Variants in GRAMD1B observed in about 807,000 individuals in gnomAD.
GRAMD1B encodes the protein protein Aster-B.
GRAMD1B carries 37 observed loss-of-function variants against 99.7 expected under a neutral mutation model. The ratio of observed to expected loss-of-function variants is 0.37; its 90% CI spans 0.29 to 0.49. The LOEUF is 0.49. Among genes scored for constraint, GRAMD1B ranks in the 20% least tolerant of loss-of-function variants. The pLI is 0.98. For synonymous variants in GRAMD1B, 427 were observed against 387.6 expected (o/e 1.10, Z -1.19); for missense variants, 888 against 1,009.2 (o/e 0.88, Z 1.63).
chr11:123,528,162 T>G (rs1219412831), intron 2 of GRAMD1B, among the ~76,000 whole-genome samples: 1 of 152,068 alleles, frequency 6.6e-6, no homozygotes, highest in Non-Finnish European at 1.5e-5. Flanking sequence ...CTCCCTACTC[T>G]CTGGTACTCA....
intron 2 of GRAMD1B, among the ~76,000 whole-genome samples, chr11:123,511,214 G>C (rs1284528729): frequency 6.6e-6 from 1 of 152,150 alleles, no homozygotes; most frequent in African/African-American, 2.4e-5. Context: ...TGGGGTTGGT[G>C]CGGGCTGGAC....
intron 1 of GRAMD1B, among the ~76,000 whole-genome samples, chr11:123,409,918 C>T (rs553977524): frequency 3.3e-5 from 5 of 152,282 alleles, no homozygotes; most frequent in African/African-American, 1.2e-4. Flanking sequence ...TAGTGGCGAA[C>T]AATAGTTCCG....
chr11:123,541,796 GT>G (rs1383334544), intron 2 of GRAMD1B, among the ~76,000 whole-genome samples: 1 of 152,122 alleles, frequency 6.6e-6, no homozygotes, highest in Non-Finnish European at 1.5e-5. Flanking sequence ...TCCTCCTGAA[GT>G]TTAAGAGTAT....
At chr11:123,488,412 C>T (rs1177173583) in intron 2 of GRAMD1B, among the ~76,000 whole-genome samples, 1 of 152,156 alleles carries the variant, frequency 6.6e-6, no homozygotes, top group African/African-American at 2.4e-5. Flanking sequence ...GGCATTTGGG[C>T]ATGGTATAAT....
chr11:123,487,719 C>G (rs1192935241), intron 2 of GRAMD1B, among the ~76,000 whole-genome samples: 2 of 152,212 alleles, frequency 1.3e-5, no homozygotes, highest in East Asian at 3.8e-4. Flanking sequence ...AGTGTCTTGT[C>G]TCAGCCTCCT....
At chr11:123,559,956 G>C (rs1946532109) in intron 2 of GRAMD1B, among the ~76,000 whole-genome samples, 1 of 152,178 alleles carries the variant, frequency 6.6e-6, no homozygotes, top group Non-Finnish European at 1.5e-5. Flanking sequence ...CCTTGATACA[G>C]GTCGACCTAG....
intron 12 of GRAMD1B, among the ~76,000 whole-genome samples, chr11:123,609,134 A>G (rs974051586): frequency 4.6e-5 from 7 of 151,572 alleles, no homozygotes; most frequent in African/African-American, 1.5e-4. Context: ...GGCAGCACCC[A>G]CTCTATGCCA....
At chr11:123,382,350 C>A (rs1591391376) in intron 1 of GRAMD1B, among the ~76,000 whole-genome samples, 2 of 152,130 alleles carry the variant, frequency 1.3e-5, no homozygotes, top group African/African-American at 4.8e-5. Context: ...ACTTCTGTAC[C>A]TAGGCCAGTC....
rs200711609 is a variant in GRAMD1B, at chr11:123,614,771, G to A, written c.2254G>A (p.Glu752Lys). The A allele has an allele frequency of 1.7e-4, 273 of 1,612,194 alleles. No individual in the cohort carries two copies. The highest frequency in any genetic ancestry group is 2.2e-4 in the Non-Finnish European group (264 of 1,178,466). ...TTCCACACAGACGCGGCATATCCCG[G>A]AGGACACCCCCAACGGTTTCCACCT... Reference protein sequence around the residue: ...AGSTQTRHIPEDTPNGFHLQS... With the variant: ...AGSTQTRHIPKDTPNGFHLQS... The change falls in exon 17 of 20, where the codon GAG becomes AAG. Residue 752 changes from glutamate to lysine, a missense_variant. Coordinates refer to ENST00000635736, the MANE Select transcript of GRAMD1B (RefSeq NM_001387025.1).
chr11:123,394,771 G>C (rs1222398572), intron 1 of GRAMD1B, among the ~76,000 whole-genome samples: 1 of 152,208 alleles, frequency 6.6e-6, no homozygotes, highest in Non-Finnish European at 1.5e-5. Context: ...CAGTTCTAGA[G>C]GCTGGGGAGT....
At chr11:123,488,681 C>T (rs1938171506) in intron 2 of GRAMD1B, among the ~76,000 whole-genome samples, 2 of 140,200 alleles carry the variant, frequency 1.4e-5, no homozygotes, top group Non-Finnish European at 3.3e-5. Flanking sequence ...TCCTCCTCCC[C>T]CGTTGCCACC....
intron 1 of GRAMD1B, among the ~76,000 whole-genome samples, chr11:123,431,792 A>G (rs1234501653): frequency 2.0e-5 from 3 of 152,122 alleles, no homozygotes; most frequent in Non-Finnish European, 4.4e-5. Context: ...TGTACCAGCT[A>G]GTTTTTTGCC....
In GRAMD1B at chr11:123,605,442, A is replaced by G. The variant is rs772561618; in HGVS notation, c.1287A>G (p.Thr429=). 18 of 1,613,112 alleles carry G rather than the reference A, an allele frequency of 1.1e-5. No homozygotes were observed. The highest frequency in any genetic ancestry group is 1.3e-5 in the Non-Finnish European group (15 of 1,179,478). ...CCAAGAAATCCATCACCAACAGCACACTAACATCCACAGGGAGCAGTGAGG... is the reference window on the plus strand; with the variant it reads ...CCAAGAAATCCATCACCAACAGCACGCTAACATCCACAGGGAGCAGTGAGG... The part of the protein sequence containing the change: ...QLPKKSITNS[T]LTSTGSSEAP... The change falls in exon 10 of 20, where the codon ACA becomes ACG. Residue 429 remains threonine (T), a synonymous_variant. Transcript: ENST00000635736.
intron 1 of GRAMD1B, chr11:123,435,612 C>A: frequency 1.7e-6 from 1 of 595,844 alleles, no homozygotes; most frequent in South Asian, 2.1e-5. Context: ...ATCTTTGTAT[C>A]GTCACAGCAC....
chr11:123,381,930 C>A (rs1946890990), intron 1 of GRAMD1B, among the ~76,000 whole-genome samples: 1 of 152,104 alleles, frequency 6.6e-6, no homozygotes, highest in Admixed American at 6.6e-5. Context: ...AGTGGCAGCA[C>A]CTACTGCTCT....
At chr11:123,424,184 T>A (rs1430451544) in intron 1 of GRAMD1B, among the ~76,000 whole-genome samples, 5 of 151,216 alleles carry the variant, frequency 3.3e-5, no homozygotes, top group Non-Finnish European at 7.4e-5. Context: ...TTTTCTCCAA[T>A]TCAAATTTCA....
intron 1 of GRAMD1B, among the ~76,000 whole-genome samples, chr11:123,396,282 C>CT (rs567798801): frequency 3.5e-4 from 49 of 140,996 alleles, no homozygotes; most frequent in Admixed American, 2.3e-3. Flanking sequence ...TCTTCTTCTT[C>CT]TTTTTTTTTT....
At chr11:123,543,314 T>C (rs1030863231) in intron 2 of GRAMD1B, among the ~76,000 whole-genome samples, 1 of 152,200 alleles carries the variant, frequency 6.6e-6, no homozygotes, top group South Asian at 2.1e-4. Context: ...AGTGAAAGAA[T>C]AAAAATATAC....
At chr11:123,366,367 T>C (rs1946321125) in intron 1 of GRAMD1B, among the ~76,000 whole-genome samples, 1 of 152,250 alleles carries the variant, frequency 6.6e-6, no homozygotes, top group South Asian at 2.1e-4. Flanking sequence ...TAAAATTAGG[T>C]TTAAAACATA....
Sources: allele counts gnomAD v4.1 joint callset (sites outside exome capture counted in the v4.1 genomes callset), GRCh38; gene constraint gnomAD v4.1.1; transcripts MANE v1.5; gene names NCBI Gene and HGNC (gene_info 2026-07-23, HGNC 2026-07-21).